CNOT1: variants seen among roughly 807,000 people sequenced by gnomAD.
CNOT1 encodes the protein CCR4-NOT transcription complex subunit 1.
A neutral mutation model predicts 273.8 loss-of-function variants in CNOT1; 15 were observed. The ratio of observed to expected loss-of-function variants is 0.05; its 90% confidence interval spans 0.04 to 0.08. The LOEUF is 0.08. Among genes scored for constraint, CNOT1 ranks in the 10% least tolerant of loss-of-function variants. The pLI, the probability that CNOT1 is intolerant of heterozygous loss-of-function variation, is 1.00. For missense variants in CNOT1, 1,644 were observed against 2,912.2 expected (o/e 0.56, Z 10.02); for synonymous variants, 1,022 against 1,005.5 (o/e 1.02, Z -0.31).
rs973570641 is a variant in CNOT1, at chr16:58,552,840, T to C, written c.2970+942A>G. On this transcript the variant is annotated intron_variant, in intron 22 of 48. Coordinates refer to ENST00000317147, the MANE Select transcript of CNOT1 (RefSeq NM_016284.5). The stretch of plus-strand genomic sequence containing the variant: ...GTTGACCAAAACCAAGACAAAGGTA[T>C]AGATAATGCTTACCAATTAACCTAA... Among the ~76,000 whole-genome samples the C allele has an allele frequency of 3.8e-4, 58 of 152,198 alleles. 1 individual carries two copies. Among genetic ancestry groups the C allele is most frequent in the African/African-American group, 1.4e-3 (56 of 41,442 alleles).
chr16:58,549,695 G>A, intron 25 of CNOT1, 24 bp downstream of exon 25: 2 of 1,564,762 alleles, frequency 1.3e-6, no homozygotes, highest in Middle Eastern at 1.7e-4. Context: ...AATAATTAAA[G>A]GAAATATAAG....
In CNOT1 at chr16:58,583,080, T is replaced by C. The variant is rs17854029; in HGVS notation, c.909A>G (p.Gly303=). Residue 303 remains glycine (G), a synonymous_variant, in exon 9 of 49, where the codon GGA becomes GGG. Coordinates refer to ENST00000317147, the MANE Select transcript of CNOT1 (RefSeq NM_016284.5). ...CCTGTAATGGAATGCCATCTGTTAA[T>C]CCTGAATGAGTTCGAGCCATCATTC... ...VLGMMARTHS[G]LTDGIPLQSI... is the part of the protein sequence containing the mutation. The C allele has an allele frequency of 0.41, 661,932 of 1,613,772 alleles. 145,676 individuals carry two copies. Among genetic ancestry groups the C allele is most frequent in the Non-Finnish European group, 0.46 (545,027 of 1,179,918 alleles).
intron 17 of CNOT1, among the ~76,000 whole-genome samples, chr16:58,559,367 T>G (rs979269840): frequency 2.0e-5 from 3 of 152,196 alleles, no homozygotes; most frequent in African/African-American, 7.2e-5. Context: ...TAATAAATCC[T>G]CACAAATTCC....
At chr16:58,536,680 C>T (rs2039940684) in intron 39 of CNOT1, among the ~76,000 whole-genome samples, 1 of 151,928 alleles carries the variant, frequency 6.6e-6, no homozygotes, top group Non-Finnish European at 1.5e-5. Flanking sequence ...AGCCCACAGT[C>T]CCATCAGTGC....
Position 58,520,967 on chromosome 16 carries a change from A to C in CNOT1, c.7122T>G (p.Gly2374=), listed in dbSNP as rs1597385207. ...AGAGATGCAGTTTCGTCTAACTGGC[A>C]CCTGTCCCTTCCATTACTTGCTGGG... ...KQAQQVMEGT[G]AS Residue 2374 remains glycine, a synonymous_variant, in exon 49 of 49, where the codon GGT becomes GGG. Transcript: ENST00000317147. The C allele has an allele frequency of 1.2e-6, 2 of 1,613,728 alleles. No homozygotes were observed. The highest frequency in any genetic ancestry group is 1.7e-6 in the Non-Finnish European group (2 of 1,180,032).
chr16:58,561,678 A>G (rs1327934212), intron 16 of CNOT1, among the ~76,000 whole-genome samples: 1 of 152,196 alleles, frequency 6.6e-6, no homozygotes, highest in Non-Finnish European at 1.5e-5. Context: ...TTGAATGCCA[A>G]TGTTTAAAGG....
At chr16:58,618,312 G>A (rs567010281) in intron 1 of CNOT1, among the ~76,000 whole-genome samples, 5 of 152,110 alleles carry the variant, frequency 3.3e-5, no homozygotes, top group Admixed American at 2.0e-4. Flanking sequence ...GGCCGGGCAC[G>A]GCAGCTCACA....
chr16:58,545,217 G>A (rs2040218181), intron 30 of CNOT1, 144 bp downstream of exon 30: 1 of 1,324,480 alleles, frequency 7.6e-7, no homozygotes, highest in African/African-American at 1.5e-5. Flanking sequence ...GAACTACACA[G>A]CAGTTCTAGA....
chr16:58,543,529 T>A, intron 31 of CNOT1, 78 bp downstream of exon 31: 1 of 1,606,748 alleles, frequency 6.2e-7, no homozygotes, highest in Non-Finnish European at 8.5e-7. Context: ...CCCAGTGCCA[T>A]ATATAGACAA....
rs1299416130 is a variant in CNOT1 at position 58,543,273 on chromosome 16, TCAAA to T, written c.4434+330_4434+333del. On this transcript the variant is annotated intron_variant, in intron 31 of 48. Coordinates refer to ENST00000317147, the MANE Select transcript of CNOT1 (RefSeq NM_016284.5). Reference sequence around the variant, plus strand: ...TTTAAGTCATTTTGTATCGGCCTTCTCAAACAGCTTTCATCCTTCCTGGTTAACA... The same window carrying T: ...TTTAAGTCATTTTGTATCGGCCTTCTCAGCTTTCATCCTTCCTGGTTAACA... The T allele has an allele frequency of 3.2e-6, 5 of 1,545,544 alleles. No homozygotes were observed. The African/African-American group carries it at 5.5e-5, about 17-fold the overall frequency.
intron 21 of CNOT1, among the ~76,000 whole-genome samples, chr16:58,554,294 A>G (rs559760480): frequency 3.5e-4 from 53 of 152,304 alleles, no homozygotes; most frequent in Non-Finnish European, 5.9e-4. Flanking sequence ...GGCATTCTAG[A>G]AAAACTTTAG....
At chr16:58,539,479 A>ACACACG (rs1258262091) in intron 35 of CNOT1, among the ~76,000 whole-genome samples, 1 of 148,392 alleles carries the variant, frequency 6.7e-6, no homozygotes, top group Admixed American at 6.8e-5. Context: ...ACACACACAC[A>ACACACG]CACACACACA....
intron 31 of CNOT1, chr16:58,543,173 A>T: frequency 6.9e-6 from 10 of 1,443,984 alleles, no homozygotes; most frequent in Non-Finnish European, 9.1e-6. Flanking sequence ...TGATACCTGA[A>T]TTATTAACCA....
intron 39 of CNOT1, among the ~76,000 whole-genome samples, chr16:58,534,796 T>G (rs376900037): frequency 2.6e-5 from 4 of 152,308 alleles, no homozygotes; most frequent in East Asian, 3.9e-4. Context: ...TTAAGGTAAT[T>G]TACTTCTGAA....
At chr16:58,591,363 C>G (rs533994539) in intron 2 of CNOT1, among the ~76,000 whole-genome samples, 1 of 152,322 alleles carries the variant, frequency 6.6e-6, no homozygotes, top group African/African-American at 2.4e-5. Flanking sequence ...ATCCCGTTAT[C>G]CTTACATTTG....
intron 1 of CNOT1, among the ~76,000 whole-genome samples, chr16:58,618,990 C>A (rs1244848162): frequency 2.0e-5 from 3 of 152,032 alleles, no homozygotes. Context: ...GCTGGGAGTG[C>A]AAGGCCAGGC....
Position 58,525,371 on chromosome 16 carries a change from C to T in CNOT1, c.6604-12G>A. 6.2e-7 allele frequency: 1 copy of T among 1,610,972 alleles called. No individual in the cohort carries two copies. The highest frequency in any genetic ancestry group is 1.3e-5 in the African/African-American group (1 of 74,952). On this transcript the variant is annotated splice_polypyrimidine_tract_variant and intron_variant, in intron 45 of 48. Transcript: ENST00000317147. Reference sequence around the variant, plus strand: ...GGTTCATTGGATACCTTAAAATGAGCAAAACAGAACTCCTTATGCTTACTC... The same window carrying T: ...GGTTCATTGGATACCTTAAAATGAGTAAAACAGAACTCCTTATGCTTACTC...
At chr16:58,586,052 TCTTAA>T (rs1219332144) in intron 7 of CNOT1, among the ~76,000 whole-genome samples, 1 of 150,614 alleles carries the variant, frequency 6.6e-6, no homozygotes, top group East Asian at 2.0e-4. Context: ...CTAGGATTTA[TCTTAA>T]CTTTACAATG....
chr16:58,620,506 T>C (rs1403963340), intron 1 of CNOT1, among the ~76,000 whole-genome samples: 7 of 151,848 alleles, frequency 4.6e-5, no homozygotes, highest in Non-Finnish European at 8.8e-5. Context: ...CCGGGCGTGG[T>C]GTGGCAGGCA....
Sources: allele counts gnomAD v4.1 joint callset (sites outside exome capture counted in the v4.1 genomes callset), GRCh38; gene constraint gnomAD v4.1.1; transcripts MANE v1.5; gene names NCBI Gene and HGNC (gene_info 2026-07-23, HGNC 2026-07-21).